The following NBPF20 variants were observed in gnomAD, a reference collection of about 807,000 sequenced individuals.
The protein encoded by NBPF20 is NBPF family member NBPF20.
In NBPF20, 90 loss-of-function variants were observed where a neutral mutation model predicts 68.1. That is an observed-to-expected ratio of 1.32 (90% CI 1.11 to 1.58). NBPF20 has a LOEUF of 1.58. NBPF20 is among the 40% of genes most tolerant of loss of function. NBPF20 has a pLI of 0.00. For missense variants in NBPF20, 816 were observed against 601.2 expected (o/e 1.36, Z -3.74); for synonymous variants, 290 against 228.1 (o/e 1.27, Z -2.45).
exon 8 of NBPF20, chr1:145,395,059 T>C (rs1159431090): frequency 7.3e-5 from 117 of 1,611,114 alleles, no homozygotes; most frequent in Non-Finnish European, 9.6e-5. Context: ...GAGGCCAACA[T>C]TTCAGGAGGA....
At chr1:145,405,593 T>C, upstream of NBPF20, 2 of 792,090 alleles carry the variant, frequency 2.5e-6, no homozygotes, top group South Asian at 1.8e-5. Context: ...AATTAGAAGG[T>C]GGGGGTGTCA....
intron 7 of NBPF20, among the ~76,000 whole-genome samples, chr1:145,397,603 A>G (rs1341383429): frequency 3.3e-5 from 5 of 152,330 alleles, no homozygotes; most frequent in Non-Finnish European, 7.3e-5. Flanking sequence ...ATGGAAAGGA[A>G]CAACCGGTAC....
chr1:145,425,403 C>T, the NBPF20 span, among the ~76,000 whole-genome samples: 15 of 152,266 alleles, frequency 9.9e-5, no homozygotes, highest in Middle Eastern at 3.4e-3. Flanking sequence ...CCCATCCAGA[C>T]GGCAGCCGCG....
chr1:145,291,883 C>T (rs587755183), intron 137 of NBPF20, 114 bp from the exon 143 acceptor site: 4 of 1,586,018 alleles, frequency 2.5e-6, no homozygotes, highest in African/African-American at 2.8e-5. Flanking sequence ...AGGATAGATC[C>T]ATTAATGAGG....
chr1:145,405,096 A>C lies in NBPF20; in HGVS notation c.175+2T>G. The C allele has an allele frequency of 6.2e-7, 1 of 1,613,484 alleles. No homozygotes were observed. Among genetic ancestry groups the C allele is most frequent in the Non-Finnish European group, 8.5e-7 (1 of 1,179,900 alleles). ...TCATGATGGTGAGCCTATAGATCTT[A>C]CTGTATTTCTTCTGCTGGTTGGCCA... On this transcript the variant is annotated splice_donor_variant, in intron 2 of 137. Coordinates refer to ENST00000369373, the Ensembl canonical transcript of NBPF20. LOFTEE classifies it high-confidence loss of function.
At chr1:145,395,039 A>G in exon 8 of NBPF20, 11 of 1,611,590 alleles carry the variant, frequency 6.8e-6, no homozygotes, top group Non-Finnish European at 9.3e-6. Context: ...TGCTGCTGTA[A>G]GACTGGTACG....
chr1:145,423,985 T>A, the NBPF20 span, among the ~76,000 whole-genome samples: 331 of 149,636 alleles, frequency 2.2e-3, 1 homozygote, highest in African/African-American at 7.7e-3. Context: ...CTTTTTTTTT[T>A]TTTTTTTGGA....
the NBPF20 span, among the ~76,000 whole-genome samples, chr1:145,410,822 A>G: frequency 7.1e-6 from 1 of 140,172 alleles, no homozygotes; most frequent in South Asian, 2.2e-4. Flanking sequence ...ATACGTATAT[A>G]TATATATATA....
intron 61 of NBPF20, among the ~76,000 whole-genome samples, chr1:145,352,345 A>C (rs1332544374): frequency 9.5e-5 from 8 of 84,504 alleles, no homozygotes; most frequent in African/African-American, 1.8e-4. Context: ...ACACACACAC[A>C]CAGAGAGAAC....
exon 138 of NBPF20, chr1:145,291,769 C>A (rs376913027): frequency 1.6e-5 from 26 of 1,611,624 alleles, no homozygotes; most frequent in South Asian, 8.8e-5. Context: ...CGCCGTTGAG[C>A]CTGGAAAAGG....
At chr1:145,394,982 T>C in exon 8 of NBPF20, 1 of 1,611,942 alleles carries the variant, frequency 6.2e-7, no homozygotes, top group Admixed American at 1.7e-5. Flanking sequence ...ACTCACTGCC[T>C]ATGTCAACAG....
exon 138 of NBPF20, chr1:145,291,532 T>A (rs1214570225): frequency 1.2e-6 from 2 of 1,611,866 alleles, no homozygotes; most frequent in Non-Finnish European, 8.5e-7. Context: ...CTGTTTATTG[T>A]GGGAATATGA....
chr1:145,292,116 T>C (rs1661153653), intron 137 of NBPF20, among the ~76,000 whole-genome samples: 1 of 149,642 alleles, frequency 6.7e-6, no homozygotes, highest in Non-Finnish European at 1.5e-5. Flanking sequence ...CTCAATAGTT[T>C]TCCATAAAAT....
At chr1:145,393,929 C>G in exon 9 of NBPF20, 1 of 1,381,966 alleles carries the variant, frequency 7.2e-7, no homozygotes, top group Non-Finnish European at 1.0e-6. Flanking sequence ...TTGATCCCAC[C>G]GATGTCCTGC....
chr1:145,415,126 G>A, the NBPF20 span, among the ~76,000 whole-genome samples: 2 of 151,836 alleles, frequency 1.3e-5, no homozygotes, highest in Non-Finnish European at 2.9e-5. Context: ...AAGATCAGCA[G>A]GTAAACACGT....
chr1:145,417,227 T>C, the NBPF20 span, among the ~76,000 whole-genome samples: 1 of 151,232 alleles, frequency 6.6e-6, no homozygotes, highest in East Asian at 1.9e-4. Context: ...AAAGATAGCC[T>C]TTCCAACTAG....
chr1:145,423,782 T>C, the NBPF20 span, among the ~76,000 whole-genome samples: 1 of 152,042 alleles, frequency 6.6e-6, no homozygotes, highest in Admixed American at 6.5e-5. Context: ...TCAGCAAGGA[T>C]GTGGGGTAAC....
intron 3 of NBPF20, among the ~76,000 whole-genome samples, chr1:145,402,740 A>G (rs1263728801): frequency 6.7e-6 from 1 of 149,284 alleles, no homozygotes; most frequent in African/African-American, 2.5e-5. Flanking sequence ...CACTAGATAC[A>G]AAGCTATGTA....
In NBPF20 at chr1:145,291,578, G is replaced by A. The variant is rs587689604; in HGVS notation, c.16889C>T (p.Thr5630Met). ...GAACACCAGGTGGAGACTTGTCACC[G>A]TCAAAGTAAAAAACCTATTGTCCAC... The change falls in exon 138 of 138, where the codon ACG becomes ATG. Residue 5630 changes from threonine to methionine, a missense_variant. Coordinates refer to ENST00000369373, the Ensembl canonical transcript of NBPF20. 150 of 1,611,972 alleles carry A rather than the reference G, an allele frequency of 9.3e-5. 1 individual carries two copies. The highest frequency in any genetic ancestry group is 5.1e-4 in the East Asian group (23 of 44,878).
Sources: gnomAD v4.1 joint callset for allele counts (sites outside exome capture counted in the v4.1 genomes callset) on GRCh38, gnomAD v4.1.1 for gene constraint, MANE v1.5 for transcripts, NCBI Gene and HGNC (gene_info 2026-07-23, HGNC 2026-07-21) for gene names.